GCH1: variants seen among roughly 807,000 people sequenced by gnomAD.
GCH1 encodes the protein GTP cyclohydrolase 1.
In GCH1, 5 loss-of-function variants were observed where a neutral mutation model predicts 25.9. The ratio of observed to expected loss-of-function variants is 0.19; its 90% CI spans 0.10 to 0.41. The LOEUF is 0.41. Among genes scored for constraint, GCH1 ranks in the 10% least tolerant of loss-of-function variants. The probability of loss-of-function intolerance (pLI) is 1.00; values close to 1 mark genes in which losing one functional copy is unlikely to be tolerated. For synonymous variants in GCH1, 159 were observed against 129.6 expected, an observed-to-expected ratio of 1.23 and a Z score of -1.54; for missense variants, 261 against 336.5, an observed-to-expected ratio of 0.78 and a Z score of 1.75.
At chr14:54,902,092 G>A (rs546734910) in intron 1 of GCH1, among the ~76,000 whole-genome samples, 1 of 152,264 alleles carries the variant, frequency 6.6e-6, no homozygotes, top group South Asian at 2.1e-4. Context: ...CTGGAAGGCG[G>A]CTGCAGCGAG....
chr14:54,898,864 T>C (rs1193955442), intron 1 of GCH1, among the ~76,000 whole-genome samples: 1 of 152,156 alleles, frequency 6.6e-6, no homozygotes, highest in African/African-American at 2.4e-5. Context: ...CCTCAAGTAA[T>C]CCGCCCACCT....
intron 2 of GCH1, among the ~76,000 whole-genome samples, chr14:54,861,165 T>C (rs1363749610): frequency 6.6e-6 from 1 of 152,226 alleles, no homozygotes; most frequent in Non-Finnish European, 1.5e-5. Context: ...ATTGATCTAG[T>C]AGTACTTAGT....
chr14:54,861,814 A>G (rs2039901260), intron 2 of GCH1, among the ~76,000 whole-genome samples: 1 of 152,164 alleles, frequency 6.6e-6, no homozygotes, highest in Non-Finnish European at 1.5e-5. Flanking sequence ...AAGTAACAGG[A>G]TAAAATGGTG....
At chr14:54,882,897 A>T (rs997414852) in intron 1 of GCH1, among the ~76,000 whole-genome samples, 3 of 152,184 alleles carry the variant, frequency 2.0e-5, no homozygotes, top group African/African-American at 4.8e-5. Context: ...GGGGTTCCCA[A>T]ATACAGCCAA....
chr14:54,902,634 C>T lies in GCH1; in HGVS notation c.30G>A (p.Ala10=), dbSNP rs1297383783. The T allele has an allele frequency of 2.0e-6, 3 of 1,483,514 alleles. No individual in the cohort carries two copies. Among genetic ancestry groups the T allele is most frequent in the African/African-American group, 2.9e-5 (2 of 68,250 alleles). 91.9% of individuals were successfully genotyped at this position (1,483,514 alleles called of 1,614,324 possible). A position where few individuals can be genotyped will look rare whatever the true frequency, so the allele number is the denominator to read the frequency against. The change falls in exon 1 of 6, where the codon GCG becomes GCA. Residue 10 remains alanine, a synonymous_variant. Transcript: ENST00000491895. Reference sequence around the variant, plus strand: ...TGCACCTGGCGCCCCGCGGCTTCTCCGCCGGTGCCCGCACAGGGCCCTTCT... The same window carrying T: ...TGCACCTGGCGCCCCGCGGCTTCTCTGCCGGTGCCCGCACAGGGCCCTTCT... MEKGPVRAP[A]EKPRGARCSN...
chr14:54,892,135 G>C (rs2040431456), intron 1 of GCH1, among the ~76,000 whole-genome samples: 1 of 152,192 alleles, frequency 6.6e-6, no homozygotes, highest in Non-Finnish European at 1.5e-5. Flanking sequence ...TTGTACTTCA[G>C]ACTGCAAAAG....
At chr14:54,863,499 C>CAAAAAAA (rs1209956263) in intron 2 of GCH1, among the ~76,000 whole-genome samples, 8 of 17,888 alleles carry the variant, frequency 4.5e-4, no homozygotes, top group African/African-American at 1.7e-3. Context: ...TTTGTAATAG[C>CAAAAAAA]AAAAAAAAAA....
In GCH1 at chr14:54,902,579, G is replaced by T. The variant is rs983118810; in HGVS notation, c.85C>A (p.Arg29=). Residue 29 remains arginine, a synonymous_variant, in exon 1 of 6, where the codon CGG becomes AGG. Transcript: ENST00000491895. ...SNGFPERDPP[R]PGPSRPAEKP... ...TCCGCCGGCCTGCTGGGCCCGGGCCGCGGCGGATCCCGCTCGGGGAACCCA... is the reference window on the plus strand; with the variant it reads ...TCCGCCGGCCTGCTGGGCCCGGGCCTCGGCGGATCCCGCTCGGGGAACCCA... 2 of 1,493,140 alleles carry T rather than the reference G, an allele frequency of 1.3e-6. No individual in the cohort carries two copies. Among genetic ancestry groups the T allele is most frequent in the Non-Finnish European group, 1.8e-6 (2 of 1,123,960 alleles). The allele number at this position is 1,493,140 out of a possible 1,614,324, so 92.5% of individuals were successfully genotyped here. A position where few individuals can be genotyped will look rare whatever the true frequency, so the allele number is the denominator to read the frequency against.
intron 3 of GCH1, among the ~76,000 whole-genome samples, chr14:54,854,170 T>C (rs2039775306): frequency 6.6e-6 from 1 of 152,248 alleles, no homozygotes; most frequent in South Asian, 2.1e-4. Flanking sequence ...TTATTCTAAA[T>C]AAGGAGTTTG....
At chr14:54,899,691 C>T (rs570210909) in intron 1 of GCH1, among the ~76,000 whole-genome samples, 30 of 152,170 alleles carry the variant, frequency 2.0e-4, no homozygotes, top group Non-Finnish European at 4.3e-4. Context: ...AAGTTACAAT[C>T]CAGTGGCATT....
intron 1 of GCH1, among the ~76,000 whole-genome samples, chr14:54,884,383 A>G (rs2040316324): frequency 6.6e-6 from 1 of 152,236 alleles, no homozygotes. Flanking sequence ...GGAAACAGCA[A>G]AAGGAAAAAA....
In GCH1 at chr14:54,902,731, G is replaced by A. The variant is rs902520282; in HGVS notation, c.-68C>T. On this transcript the variant is annotated 5_prime_UTR_variant, in exon 1 of 6. Coordinates refer to ENST00000491895, the MANE Select transcript of GCH1 (RefSeq NM_000161.3). ...GCTTCGAGGTCTGCGGCTAAACTCC[G>A]CCGGTGGCCGCGGACAATGGGCTGT... 1.4e-5 allele frequency: 20 copies of A among 1,388,270 alleles called. No homozygotes were observed. The highest frequency in any genetic ancestry group is 3.3e-5 in the Admixed American group (1 of 30,748). 86.0% of individuals were successfully genotyped at this position (1,388,270 alleles called of 1,614,324 possible).
At chr14:54,899,867 A>AC (rs2040538616) in intron 1 of GCH1, among the ~76,000 whole-genome samples, 1 of 146,296 alleles carries the variant, frequency 6.8e-6, no homozygotes, top group East Asian at 2.0e-4. Context: ...ACATCCATGG[A>AC]CTTTTTTTTT....
chr14:54,882,794 C>T (rs1051744738), intron 1 of GCH1, among the ~76,000 whole-genome samples: 2 of 152,194 alleles, frequency 1.3e-5, no homozygotes, highest in South Asian at 4.1e-4. Flanking sequence ...GTGATGGAAC[C>T]ATCTGTAATC....
intron 1 of GCH1, among the ~76,000 whole-genome samples, chr14:54,866,312 T>A (rs533686964): frequency 6.6e-6 from 1 of 151,956 alleles, no homozygotes; most frequent in Non-Finnish European, 1.5e-5. Context: ...AATCATAATA[T>A]AGCCAAGCTA....
chr14:54,853,326 T>C (rs1020165050), intron 3 of GCH1, among the ~76,000 whole-genome samples: 11 of 152,224 alleles, frequency 7.2e-5, no homozygotes, highest in Non-Finnish European at 1.5e-4. Flanking sequence ...CAGGTAGTAC[T>C]AATTCTGATC....
intron 1 of GCH1, among the ~76,000 whole-genome samples, chr14:54,901,554 G>C (rs1028958415): frequency 6.6e-6 from 1 of 152,108 alleles, no homozygotes; most frequent in African/African-American, 2.4e-5. Flanking sequence ...GGGTGGGAGG[G>C]TGCGGGGATG....
chr14:54,883,061 G>A (rs2040294138), intron 1 of GCH1, among the ~76,000 whole-genome samples: 5 of 152,130 alleles, frequency 3.3e-5, no homozygotes, highest in Admixed American at 2.6e-4. Context: ...AGAGCTGAGG[G>A]TACATGAGGG....
intron 1 of GCH1, among the ~76,000 whole-genome samples, chr14:54,871,253 T>A (rs1198380705): frequency 6.6e-6 from 1 of 152,138 alleles, no homozygotes. Context: ...GGAGTGGACC[T>A]CCAGCAAACT....
Sources: allele counts gnomAD v4.1 joint callset (sites outside exome capture counted in the v4.1 genomes callset), GRCh38; gene constraint gnomAD v4.1.1; transcripts MANE v1.5; gene names NCBI Gene and HGNC (gene_info 2026-07-23, HGNC 2026-07-21).